Variants in ACYP2 observed in about 807,000 individuals in gnomAD.
ACYP2 encodes acylphosphatase 2, also known as acylphosphatase-2.
Under a neutral mutation model 11.2 loss-of-function variants are expected in ACYP2, and 12 were observed. The ratio of observed to expected loss-of-function variants is 1.08; its 90% CI spans 0.69 to 1.74. ACYP2 has a LOEUF of 1.74. Ranked by LOEUF, ACYP2 falls within the 40% of genes most tolerant of loss-of-function variation. The pLI is 0.00. For synonymous variants in ACYP2, 43 were observed against 32.2 expected (o/e 1.33, Z -1.13); for missense variants, 134 against 101.9 (o/e 1.31, Z -1.35).
At chr2:54,146,525 A>G (rs1172655210) in intron 6 of ACYP2, among the ~76,000 whole-genome samples, 4 of 150,744 alleles carry the variant, frequency 2.7e-5, no homozygotes, top group African/African-American at 9.8e-5. Flanking sequence ...TCCGCCTGCC[A>G]TGGCCTCCCA....
At chr2:54,293,354 C>T (rs1330226556) in intron 6 of ACYP2, among the ~76,000 whole-genome samples, 1 of 152,198 alleles carries the variant, frequency 6.6e-6, no homozygotes, top group Non-Finnish European at 1.5e-5. Flanking sequence ...ATAGTCATCC[C>T]CTCACTTGTT....
chr2:54,167,757 A>G (rs902080585), intron 6 of ACYP2, among the ~76,000 whole-genome samples: 4 of 152,224 alleles, frequency 2.6e-5, no homozygotes, highest in African/African-American at 9.6e-5. Context: ...ATTTTATTTA[A>G]ATACTTTGGG....
At chr2:54,037,182 G>C (rs1370264879) in intron 2 of ACYP2, among the ~76,000 whole-genome samples, 2 of 152,042 alleles carry the variant, frequency 1.3e-5, no homozygotes, top group African/African-American at 4.8e-5. Context: ...GTGCAATCTT[G>C]GCTCACTAGA....
At chr2:54,083,209 G>A (rs1234220343) in intron 4 of ACYP2, among the ~76,000 whole-genome samples, 2 of 152,192 alleles carry the variant, frequency 1.3e-5, no homozygotes, top group Non-Finnish European at 2.9e-5. Flanking sequence ...ATTGAAGCGA[G>A]CACAAATGTT....
In ACYP2 at chr2:54,236,923, C is replaced by T. The variant is rs77044890; in HGVS notation, c.405-67765C>T. On this transcript the variant is annotated intron_variant, in intron 6 of 6. Coordinates refer to ENST00000607452, the MANE Select transcript of ACYP2 (RefSeq NM_001320586.2). ...ATCATTTTGAAATGCAGTTGTCCCT[C>T]CATATCCATAGGTTCCATATCTGTG... Among the ~76,000 whole-genome samples, 1,174 of 152,250 alleles carry T rather than the reference C, an allele frequency of 7.7e-3. 15 individuals carry two copies. Among genetic ancestry groups the T allele is most frequent in the African/African-American group, 0.027 (1,130 of 41,552 alleles).
At chr2:53,998,857 C>T (rs1157553614) in intron 2 of ACYP2, among the ~76,000 whole-genome samples, 2 of 152,020 alleles carry the variant, frequency 1.3e-5, no homozygotes, top group Admixed American at 6.6e-5. Context: ...CAAGTAGAGA[C>T]TGCTGCCCTC....
At chr2:54,143,650 C>T (rs1445859959) in intron 6 of ACYP2, among the ~76,000 whole-genome samples, 1 of 149,964 alleles carries the variant, frequency 6.7e-6, no homozygotes, top group Admixed American at 6.7e-5. Context: ...GCCAGGCTGG[C>T]CTCGAACTCC....
rs10542497 is a variant in ACYP2, at chr2:54,119,051, C to CTTTTTTTTTTTT, written c.278-16381_278-16370dup. 1.8e-4 allele frequency among the ~76,000 whole-genome samples: 8 copies of CTTTTTTTTTTTT among 43,772 alleles called. 2 individuals carry two copies. The highest frequency in any genetic ancestry group is 8.4e-4 in the African/African-American group (8 of 9,480). The allele number at this position is 43,772 out of a possible 152,430, so 28.7% of individuals were successfully genotyped here. A position where few individuals can be genotyped will look rare whatever the true frequency, so the allele number is the denominator to read the frequency against. On this transcript the variant is annotated intron_variant, in intron 4 of 6. Transcript: ENST00000607452. ...GAAGTGGGATTTGAATCTTAGTAGT[C>CTTTTTTTTTTTT]TTTTTTTTTTTTTTTTTTTTTTTTT...
intron 4 of ACYP2, among the ~76,000 whole-genome samples, chr2:54,092,780 C>G (rs1203503100): frequency 1.3e-5 from 2 of 152,116 alleles, no homozygotes; most frequent in Non-Finnish European, 2.9e-5. Context: ...AGAGGGTGTA[C>G]AGTGATGCAT....
intron 4 of ACYP2, among the ~76,000 whole-genome samples, chr2:54,083,140 G>C (rs999909776): frequency 6.6e-6 from 1 of 152,050 alleles, no homozygotes; most frequent in South Asian, 2.1e-4. Flanking sequence ...CTAGAGACTT[G>C]CATGATGTGT....
intron 4 of ACYP2, among the ~76,000 whole-genome samples, chr2:54,084,286 CT>C (rs1392014189): frequency 1.3e-5 from 2 of 152,038 alleles, no homozygotes; most frequent in African/African-American, 4.8e-5. Context: ...CAGTTTATTT[CT>C]TTTTTTCTTT....
At chr2:54,241,040 T>C (rs1449454954) in intron 6 of ACYP2, among the ~76,000 whole-genome samples, 1 of 152,224 alleles carries the variant, frequency 6.6e-6, no homozygotes, top group African/African-American at 2.4e-5. Flanking sequence ...TTTTTCTTCC[T>C]TTGGCTGGCT....
intron 6 of ACYP2, among the ~76,000 whole-genome samples, chr2:54,258,856 A>G (rs1687663055): frequency 6.6e-6 from 1 of 152,198 alleles, no homozygotes; most frequent in Non-Finnish European, 1.5e-5. Flanking sequence ...ACAATTCTGG[A>G]TGCTGAGAAG....
intron 2 of ACYP2, among the ~76,000 whole-genome samples, chr2:53,992,683 T>G (rs1311245036): frequency 6.6e-6 from 1 of 151,452 alleles, no homozygotes; most frequent in African/African-American, 2.4e-5. Flanking sequence ...ATACAAAAAT[T>G]AGCTGGGCAT....
intron 4 of ACYP2, among the ~76,000 whole-genome samples, chr2:54,090,109 C>T (rs1017191326): frequency 1.3e-5 from 2 of 151,490 alleles, no homozygotes; most frequent in Non-Finnish European, 2.9e-5. Flanking sequence ...CACACCACTG[C>T]ACTCCAGCCT....
At chr2:53,977,258 G>A (rs1573427468) in intron 2 of ACYP2, among the ~76,000 whole-genome samples, 1 of 151,914 alleles carries the variant, frequency 6.6e-6, no homozygotes, top group East Asian at 1.9e-4. Flanking sequence ...ATTTAGCCAG[G>A]ATGGTCTCCA....
chr2:54,117,253 T>G lies in ACYP2; in HGVS notation c.278-18200T>G, dbSNP rs1179667636. 3.3e-5 allele frequency among the ~76,000 whole-genome samples: 5 copies of G among 152,148 alleles called. No homozygotes were observed. The East Asian group carries it at 9.6e-4, about 29-fold the overall frequency. ...ATATAAAAAGTATGATAAACATTAT[T>G]AAAATTTAAAGGTAAATTTGTGTTA... On this transcript the variant is annotated intron_variant, in intron 4 of 6. Transcript: ENST00000607452.
Position 54,075,832 on chromosome 2 carries a change from A to T in ACYP2, c.277+18472A>T, listed in dbSNP as rs549162670. Among the ~76,000 whole-genome samples, 6 of 152,258 alleles carry T rather than the reference A, an allele frequency of 3.9e-5. No homozygotes were observed. In the East Asian group the frequency reaches 1.2e-3, roughly 29 times the overall value. On this transcript the variant is annotated intron_variant, in intron 4 of 6. Transcript: ENST00000607452. ...CATCTCAAAAAAAAAAAATTCTCGT[A>T]ATAAAATGATATAATATTTACCTCT... is the stretch of plus-strand genomic sequence containing the variant.
chr2:54,040,543 C>A (rs529338632), intron 2 of ACYP2, among the ~76,000 whole-genome samples: 1 of 151,974 alleles, frequency 6.6e-6, no homozygotes. Flanking sequence ...TGGGATGCTC[C>A]AAGTTTTGGA....
Sources: allele counts gnomAD v4.1 joint callset (sites outside exome capture counted in the v4.1 genomes callset), GRCh38; gene constraint gnomAD v4.1.1; transcripts MANE v1.5; gene names NCBI Gene and HGNC (gene_info 2026-07-23, HGNC 2026-07-21).